LRRC71: variants seen among roughly 807,000 people sequenced by gnomAD.
LRRC71 encodes leucine-rich repeat-containing protein 71.
A neutral mutation model predicts 66.6 loss-of-function variants in LRRC71; 54 were observed. The observed-to-expected ratio is 0.81, with a 90% confidence interval of 0.65 to 1.02. LRRC71 has a LOEUF of 1.02. LRRC71 is among the 50% of genes least tolerant of loss of function. LRRC71 has a pLI of 0.00. For synonymous variants in LRRC71, 323 were observed against 303.9 expected (o/e 1.06, Z -0.65); for missense variants, 724 against 718.0 (o/e 1.01, Z -0.10).
the LRRC71 span, chr1:156,940,423 T>G: frequency 1.9e-5 from 31 of 1,598,062 alleles, no homozygotes; most frequent in African/African-American, 3.8e-4. Flanking sequence ...TGGGACCCAG[T>G]GCCTGTTTCG....
Sources: allele counts gnomAD v4.1 joint callset, GRCh38; gene constraint gnomAD v4.1.1; transcripts MANE v1.5; gene names NCBI Gene and HGNC (gene_info 2026-07-23, HGNC 2026-07-21).